Variants in CHD6 observed in about 807,000 individuals in gnomAD.
The protein encoded by CHD6 is chromodomain helicase DNA binding protein 6.
In CHD6, 50 loss-of-function variants were observed where a neutral mutation model predicts 276.9. The ratio of observed to expected loss-of-function variants is 0.18; its 90% CI spans 0.14 to 0.23. CHD6 has a LOEUF of 0.23. Ranked by LOEUF, CHD6 falls within the 10% of genes least tolerant of loss-of-function variation. The probability of loss-of-function intolerance (pLI) is 1.00; values close to 1 mark genes in which losing one functional copy is unlikely to be tolerated. For synonymous variants in CHD6, 1,173 were observed against 1,229.3 expected, an observed-to-expected ratio of 0.95 and a Z score of 0.96; for missense variants, 2,564 against 3,365.8, an observed-to-expected ratio of 0.76 and a Z score of 5.89.
At position 41,454,613 on chromosome 20, in the gene CHD6, T is replaced by A. The variant is rs771619609; in HGVS notation, c.3120+13A>T. 1.9e-6 allele frequency: 3 copies of A among 1,580,980 alleles called. No individual in the cohort carries two copies. In the South Asian group the frequency reaches 3.4e-5, roughly 18 times the overall value. ...GTGAATGTTCCATGGAATAAAATATTATTTTGCTGTACCTTTTCATTCTTT... is the reference window on the plus strand; with the variant it reads ...GTGAATGTTCCATGGAATAAAATATAATTTTGCTGTACCTTTTCATTCTTT... On this transcript the variant is annotated intron_variant, in intron 20 of 36. Transcript: ENST00000373233.
intron 3 of CHD6, among the ~76,000 whole-genome samples, chr20:41,518,656 A>AT (rs2044311263): frequency 2.0e-5 from 3 of 152,316 alleles, no homozygotes; most frequent in Admixed American, 1.3e-4. Flanking sequence ...CTTCAAAGTG[A>AT]TTTTTTGGAG....
At position 41,404,352 on chromosome 20, in the gene CHD6, T is replaced by C. The variant is rs1214581762; in HGVS notation, c.*241A>G. On this transcript the variant is annotated 3_prime_UTR_variant, in exon 37 of 37. Transcript: ENST00000373233. ...ACTGTATTAACTATGATTGCTGGAA[T>C]GAACTGGATAACAGAATGAGAATTC... The C allele has an allele frequency of 1.6e-6, 2 of 1,221,838 alleles. No individual in the cohort carries two copies. The highest frequency in any genetic ancestry group is 3.2e-5 in the East Asian group (1 of 31,060). The allele number at this position is 1,221,838 out of a possible 1,614,324, so 75.7% of individuals were successfully genotyped here.
intron 27 of CHD6, among the ~76,000 whole-genome samples, chr20:41,435,325 A>C (rs953120440): frequency 4.6e-5 from 7 of 152,174 alleles, no homozygotes; most frequent in African/African-American, 1.7e-4. Flanking sequence ...GCTGGGCACA[A>C]TGGCTCATGC....
chr20:41,614,759 C>G (rs1394044651), intron 1 of CHD6: 1 of 152,176 alleles, frequency 6.6e-6, no homozygotes, highest in Non-Finnish European at 1.5e-5. Flanking sequence ...GTATCAACGC[C>G]TCCACAACAT....
At chr20:41,537,204 A>T (rs1418244676) in intron 2 of CHD6, among the ~76,000 whole-genome samples, 1 of 152,232 alleles carries the variant, frequency 6.6e-6, no homozygotes, top group Non-Finnish European at 1.5e-5. Context: ...CACTTTAAAG[A>T]ATATTATCAA....
chr20:41,440,860 G>C (rs1008328278), intron 25 of CHD6, among the ~76,000 whole-genome samples: 2 of 152,386 alleles, frequency 1.3e-5, no homozygotes. Context: ...CATCAGAGGA[G>C]ATGGAAGAGC....
rs548763585 is a variant in CHD6, at chr20:41,435,067, G to A, written c.4068+2207C>T. On this transcript the variant is annotated intron_variant, in intron 27 of 36. Transcript: ENST00000373233. ...TCAAACTAGAGATCAATAACAGCAAGGTAATGGGGAAATCTCCAAACACTT... is the reference window on the plus strand; with the variant it reads ...TCAAACTAGAGATCAATAACAGCAAAGTAATGGGGAAATCTCCAAACACTT... Among the ~76,000 whole-genome samples the A allele has an allele frequency of 2.8e-4, 42 of 152,094 alleles. No individual in the cohort carries two copies. In the South Asian group the frequency reaches 8.3e-3, roughly 30 times the overall value.
rs938956515 is a variant in CHD6, at chr20:41,567,438, G to C, written c.-23-16078C>G. ...TTTTGGAAAGGGAGACCACCACCCT[G>C]GGGGAGACTTAAGCATGGCTCCTTG... On this transcript the variant is annotated intron_variant, in intron 1 of 36. Transcript: ENST00000373233. Among the ~76,000 whole-genome samples the C allele has an allele frequency of 5.9e-5, 9 of 152,214 alleles. No homozygotes were observed. In the South Asian group the frequency reaches 1.9e-3, roughly 32 times the overall value.
chr20:41,517,281 G>C (rs144150374), intron 3 of CHD6, among the ~76,000 whole-genome samples: 2 of 152,236 alleles, frequency 1.3e-5, no homozygotes, highest in East Asian at 3.9e-4. Flanking sequence ...CCTTTTGGAG[G>C]GTGGAGGATG....
intron 36 of CHD6, among the ~76,000 whole-genome samples, chr20:41,408,816 C>G (rs2046760117): frequency 6.6e-6 from 1 of 152,212 alleles, no homozygotes; most frequent in Non-Finnish European, 1.5e-5. Context: ...AATGGTGCCT[C>G]CTTCTTCTTT....
intron 8 of CHD6, among the ~76,000 whole-genome samples, chr20:41,494,342 T>C (rs1019392248): frequency 1.3e-5 from 2 of 152,334 alleles, no homozygotes; most frequent in Admixed American, 1.3e-4. Context: ...GGAAGCTTCC[T>C]GGGTGCTGAC....
chr20:41,572,686 C>A (rs2045431077), intron 1 of CHD6, among the ~76,000 whole-genome samples: 1 of 152,212 alleles, frequency 6.6e-6, no homozygotes, highest in Admixed American at 6.5e-5. Flanking sequence ...GGTTTGGTTT[C>A]TTGCTTGCCC....
rs1363961964 is a variant in CHD6, at chr20:41,533,469, T to G, written c.135A>C (p.Glu45Asp). 3 of 1,614,190 alleles carry G rather than the reference T, an allele frequency of 1.9e-6. No individual in the cohort carries two copies. The change falls in exon 3 of 37, where the codon GAA (glutamate) becomes GAC (aspartate). Residue 45 changes from glutamate (E) to aspartate (D), a missense_variant. This residue lies in a region of CHD6 where 286 missense variants were observed against 297.8 expected (regional missense o/e 0.96). Coordinates refer to ENST00000373233, the MANE Select transcript of CHD6 (RefSeq NM_032221.5). ...PSPFDCSTDQEEKIEDVASHC... is the reference protein window; with the variant it reads ...PSPFDCSTDQDEKIEDVASHC... ...GACTAGCAACATCTTCAATTTTCTC[T>G]TCTTGATCAGTGCTGCAGTCAAATG...
In CHD6 at chr20:41,533,170, G is replaced by A. The variant is rs556078000; in HGVS notation, c.434C>T (p.Pro145Leu). 3.9e-5 allele frequency: 63 copies of A among 1,613,940 alleles called. No homozygotes were observed. In the African/African-American group the frequency reaches 5.7e-4, roughly 15 times the overall value. Residue 145 changes from proline (P) to leucine (L), a missense_variant, in exon 3 of 37, where the codon CCG becomes CTG. By Grantham distance (98) the Pro-to-Leu change is moderately conservative (BLOSUM62 -3). Around this residue, in one of 7 missense-constraint regions of CHD6, gnomAD observed 286 missense variants for 297.8 expected, o/e 0.96. Coordinates refer to ENST00000373233, the MANE Select transcript of CHD6 (RefSeq NM_032221.5). ...CTTCTTTGCCCCATCTTTTTGCTTC[G>A]GCTCCTTGTGCTCCTTGGCCTTCTT... ...EPKKAKEHKE[P>L]KQKDGAKKAR...
chr20:41,606,041 T>C (rs1047136305), intron 1 of CHD6, among the ~76,000 whole-genome samples: 3 of 152,202 alleles, frequency 2.0e-5, no homozygotes, highest in Non-Finnish European at 2.9e-5. Context: ...GAATAATGGT[T>C]GACTCTGTCT....
intron 36 of CHD6, among the ~76,000 whole-genome samples, chr20:41,408,747 G>GGGCAT (rs2046757611): frequency 6.6e-6 from 1 of 152,158 alleles, no homozygotes; most frequent in African/African-American, 2.4e-5. Context: ...CAGAGAGAGG[G>GGGCAT]GGCATATTCC....
chr20:41,438,940 C>T (rs1001945422), intron 26 of CHD6, among the ~76,000 whole-genome samples: 4 of 152,216 alleles, frequency 2.6e-5, no homozygotes, highest in Non-Finnish European at 5.9e-5. Context: ...CTTTTCTTGG[C>T]CTGAGCAAAT....
At chr20:41,502,737 G>A (rs1198581561) in intron 5 of CHD6, among the ~76,000 whole-genome samples, 1 of 152,196 alleles carries the variant, frequency 6.6e-6, no homozygotes, top group Non-Finnish European at 1.5e-5. Flanking sequence ...TGGGCACGGT[G>A]GCTCATGCCT....
chr20:41,404,526 G>A lies in CHD6; in HGVS notation c.*67C>T. ...CAGGTTCTTATGGAGGTGAAGTGAG[G>A]GAAGTAACAAACCTTTATGGGATAA... On this transcript the variant is annotated 3_prime_UTR_variant, in exon 37 of 37. Coordinates refer to ENST00000373233, the MANE Select transcript of CHD6 (RefSeq NM_032221.5). 1 of 1,442,072 alleles carries A rather than the reference G, an allele frequency of 6.9e-7. No homozygotes were observed. The highest frequency in any genetic ancestry group is 9.1e-7 in the Non-Finnish European group (1 of 1,095,190). 89.3% of individuals were successfully genotyped at this position (1,442,072 alleles called of 1,614,324 possible).
Sources: gnomAD v4.1 joint callset for allele counts (sites outside exome capture counted in the v4.1 genomes callset) on GRCh38, gnomAD v4.1.1 for gene constraint, gnomAD v4.1.1 regional missense constraint, MANE v1.5 for transcripts, NCBI Gene and HGNC (gene_info 2026-07-23, HGNC 2026-07-21) for gene names.